Variants in ZNF814 observed in about 807,000 individuals in gnomAD.
ZNF814 encodes zinc finger protein 814.
A neutral mutation model predicts 7.5 loss-of-function variants in ZNF814; 5 were observed. The observed-to-expected ratio is 0.67, with a 90% CI of 0.35 to 1.40. The LOEUF (loss-of-function observed/expected upper bound fraction) is 1.40, where lower values mean the gene tolerates loss of function less well. Ranked by LOEUF, ZNF814 falls within the 40% of genes most tolerant of loss-of-function variation. The pLI, the probability that ZNF814 is intolerant of heterozygous loss-of-function variation, is 0.04. For synonymous variants in ZNF814, 315 were observed against 340.7 expected (o/e 0.92, Z 0.83); for missense variants, 962 against 1,018.0 (o/e 0.94, Z 0.75).
At chr19:57,903,252 C>T in the ZNF814 span, among the ~76,000 whole-genome samples, 392 of 152,332 alleles carry the variant, frequency 2.6e-3, 1 homozygote, top group Non-Finnish European at 4.7e-3. Context: ...GTTACCACCA[C>T]TGCTGCAGTA....
intron 1 of ZNF814, 105 bp downstream of exon 1, chr19:57,888,662 C>T: frequency 7.0e-7 from 1 of 1,437,068 alleles, no homozygotes; most frequent in South Asian, 1.2e-5. Context: ...GCCTCAGTGT[C>T]CCAACGCCGG....
Position 57,888,991 on chromosome 19 carries a change from A to G in ZNF814, c.-189T>C, listed in dbSNP as rs1219351149. 1.7e-6 allele frequency: 1 copy of G among 601,668 alleles called. No individual in the cohort carries two copies. The highest frequency in any genetic ancestry group is 2.9e-6 in the Non-Finnish European group (1 of 341,908). The allele number at this position is 601,668 out of a possible 1,614,324, so 37.3% of individuals were successfully genotyped here. Reference sequence around the variant, plus strand: ...GGTTCAGTCACCACAGTGCGGACCTAGCGCTCAGGAGCCTCTCCTACAAAT... The same window carrying G: ...GGTTCAGTCACCACAGTGCGGACCTGGCGCTCAGGAGCCTCTCCTACAAAT... On this transcript the variant is annotated 5_prime_UTR_variant, in exon 1 of 3. Coordinates refer to ENST00000435989, the MANE Select transcript of ZNF814 (RefSeq NM_001144989.2).
chr19:57,903,661 G>C, the ZNF814 span, among the ~76,000 whole-genome samples: 1 of 152,214 alleles, frequency 6.6e-6, no homozygotes, highest in Non-Finnish European at 1.5e-5. Context: ...CAGCCAATGG[G>C]TTGTCTGCAA....
chr19:57,900,839 A>ATTTTTTTTT, the ZNF814 span, among the ~76,000 whole-genome samples: 298 of 45,760 alleles, frequency 6.5e-3, 69 homozygotes, highest in African/African-American at 0.014. Context: ...CCATGGCTGC[A>ATTTTTTTTT]TTTTTTTTTT....
At chr19:57,877,666 C>G (rs1408293727) in intron 1 of ZNF814, among the ~76,000 whole-genome samples, 1 of 152,146 alleles carries the variant, frequency 6.6e-6, no homozygotes, top group East Asian at 1.9e-4. Context: ...TGGTCTCGAA[C>G]TCCTGACCTC....
intron 1 of ZNF814, among the ~76,000 whole-genome samples, chr19:57,886,997 G>T (rs186544000): frequency 2.7e-5 from 4 of 148,874 alleles, no homozygotes; most frequent in African/African-American, 9.9e-5. Flanking sequence ...AGACCAGCCT[G>T]ACCAACATGG....
chr19:57,872,931 C>A lies in ZNF814; in HGVS notation c.2459G>T (p.Arg820Ile). 6.2e-7 allele frequency: 1 copy of A among 1,613,800 alleles called. No homozygotes were observed. The highest frequency in any genetic ancestry group is 2.2e-5 in the East Asian group (1 of 44,838). Reference sequence around the variant, plus strand: ...ATAAGGCTTTTCTCCAGTGTGAACTCTCTTGTGTTTAGTGAGACTGGAGCT... The same window carrying A: ...ATAAGGCTTTTCTCCAGTGTGAACTATCTTGTGTTTAGTGAGACTGGAGCT... ...AESSSLTKHK[R>I]VHTGEKPYKC... The change falls in exon 3 of 3, where the codon AGA (arginine) becomes ATA (isoleucine). Residue 820 changes from arginine to isoleucine, a missense_variant. Transcript: ENST00000435989.
the ZNF814 span, among the ~76,000 whole-genome samples, chr19:57,897,616 TACA>T: frequency 2.8e-3 from 425 of 152,214 alleles, 3 homozygotes; most frequent in African/African-American, 9.7e-3. Flanking sequence ...CTTACAAACG[TACA>T]ACAATTGTCC....
upstream of ZNF814, among the ~76,000 whole-genome samples, chr19:57,891,338 A>C (rs1166420264): frequency 6.6e-6 from 1 of 151,934 alleles, no homozygotes; most frequent in Non-Finnish European, 1.5e-5. Context: ...ATCCTGGCTA[A>C]CACGGTGAAA....
chr19:57,887,205 A>G (rs972437480), intron 1 of ZNF814, among the ~76,000 whole-genome samples: 1 of 152,238 alleles, frequency 6.6e-6, no homozygotes, highest in African/African-American at 2.4e-5. Context: ...ACAAAACAAA[A>G]TAAAAAATAA....
chr19:57,901,079 G>A, the ZNF814 span, among the ~76,000 whole-genome samples: 99 of 151,672 alleles, frequency 6.5e-4, 1 homozygote, highest in South Asian at 0.018. Context: ...CTCGTGATCC[G>A]CCCGCCTTGG....
the ZNF814 span, among the ~76,000 whole-genome samples, chr19:57,904,084 T>C: frequency 6.6e-6 from 1 of 152,194 alleles, no homozygotes; most frequent in Non-Finnish European, 1.5e-5. Context: ...TCTGTAGCCT[T>C]TGGAGTGTGT....
chr19:57,873,761 A>C lies in ZNF814; in HGVS notation c.1629T>G (p.Thr543=). The change falls in exon 3 of 3, where the codon ACT becomes ACG. Residue 543 remains threonine (T), a synonymous_variant. Transcript: ENST00000435989. ...CTCCACACTCATAAAGTCTGTCCCC[A>C]GTGTGAATTTGCTGATGGTTCCTAA... ...GHLRNHQQIH[T]GDRLYECGEC... is the part of the protein sequence containing the mutation. The C allele has an allele frequency of 6.2e-7, 1 of 1,613,824 alleles. No homozygotes were observed. Among genetic ancestry groups the C allele is most frequent in the African/African-American group, 1.3e-5 (1 of 75,026 alleles).
chr19:57,899,205 T>C, the ZNF814 span, among the ~76,000 whole-genome samples: 6 of 152,212 alleles, frequency 3.9e-5, no homozygotes, highest in East Asian at 1.2e-3. Flanking sequence ...CCACAAGGCA[T>C]GTTAAGTAGT....
upstream of ZNF814, chr19:57,889,077 C>A: frequency 7.8e-6 from 4 of 514,142 alleles, no homozygotes; most frequent in South Asian, 3.3e-5. Flanking sequence ...GACCCATTGT[C>A]ACGTGCACAC....
chr19:57,903,780 G>A, the ZNF814 span, among the ~76,000 whole-genome samples: 9 of 152,202 alleles, frequency 5.9e-5, no homozygotes, highest in Non-Finnish European at 1.2e-4. Context: ...TGCGGAAGCC[G>A]CTTCTGGAGA....
intron 1 of ZNF814, among the ~76,000 whole-genome samples, chr19:57,888,550 T>C (rs2071712174): frequency 6.6e-6 from 1 of 152,188 alleles, no homozygotes; most frequent in Non-Finnish European, 1.5e-5. Context: ...TCCATCCTTC[T>C]GGCTCAGTTC....
At position 57,870,398 on chromosome 19, in the gene ZNF814, T is replaced by C. The variant is rs1057006507; in HGVS notation, c.*2424A>G. The C allele has an allele frequency of 2.0e-5, 3 of 152,158 alleles. No individual in the cohort carries two copies. Among genetic ancestry groups the C allele is most frequent in the East Asian group, 1.9e-4 (1 of 5,198 alleles). The allele number at this position is 152,158 out of a possible 1,614,324, so 9.4% of individuals were successfully genotyped here. ...AAACTAGCCTCCACGGTAGCAAATATTGATGTGGCACTAAGGCCATTTCCA... is the reference window on the plus strand; with the variant it reads ...AAACTAGCCTCCACGGTAGCAAATACTGATGTGGCACTAAGGCCATTTCCA... On this transcript the variant is annotated 3_prime_UTR_variant, in exon 3 of 3. Transcript: ENST00000435989.
upstream of ZNF814, among the ~76,000 whole-genome samples, chr19:57,890,730 A>C (rs2071730415): frequency 1.3e-5 from 2 of 152,260 alleles, no homozygotes; most frequent in African/African-American, 4.8e-5. Flanking sequence ...GGATGTTTAC[A>C]GTCTTGTGGC....
Sources: gnomAD v4.1 joint callset for allele counts (sites outside exome capture counted in the v4.1 genomes callset) on GRCh38, gnomAD v4.1.1 for gene constraint, MANE v1.5 for transcripts, NCBI Gene and HGNC (gene_info 2026-07-23, HGNC 2026-07-21) for gene names.